The following COX6B2 variants were observed in gnomAD, a reference collection of about 807,000 sequenced individuals.
The protein encoded by COX6B2 is COX VIb-2.
Under a neutral mutation model 13.7 loss-of-function variants are expected in COX6B2, and 12 were observed. The ratio of observed to expected loss-of-function variants is 0.87; its 90% CI spans 0.56 to 1.41. The LOEUF is 1.41. COX6B2 is among the 40% of genes most tolerant of loss of function. The pLI is 0.00. For synonymous variants in COX6B2, 56 were observed against 46.6 expected (o/e 1.20, Z -0.82); for missense variants, 130 against 118.3 (o/e 1.10, Z -0.46).
At chr19:55,354,284 C>T in intron 2 of COX6B2, 126 bp downstream of exon 2, 2 of 881,810 alleles carry the variant, frequency 2.3e-6, no homozygotes, top group Non-Finnish European at 3.7e-6. Context: ...GGCCCCGCCC[C>T]CACCAACCCG....
intron 2 of COX6B2, 97 bp downstream of exon 2, chr19:55,354,313 C>T (rs1163105944): frequency 1.8e-6 from 2 of 1,136,742 alleles, no homozygotes; most frequent in Non-Finnish European, 2.7e-6. Flanking sequence ...CGGCCTCCCA[C>T]CCTAACGGTC....
At chr19:55,353,515 G>C (rs996743478) in intron 4 of COX6B2, 92 bp downstream of exon 4, 1 of 612,606 alleles carries the variant, frequency 1.6e-6, no homozygotes, top group African/African-American at 1.9e-5. Flanking sequence ...AAAAAGCAGC[G>C]TTAGCCCGGA....
chr19:55,354,066 G>A, intron 2 of COX6B2, 100 bp from the exon 3 acceptor site: 6 of 1,094,716 alleles, frequency 5.5e-6, no homozygotes, highest in Non-Finnish European at 5.3e-6. Context: ...GCTTCGTCCC[G>A]CCTCCCTCTC....
At chr19:55,353,016 C>A in intron 4 of COX6B2, 1 of 153,950 alleles carries the variant, frequency 6.5e-6, no homozygotes, top group Admixed American at 6.4e-5. Flanking sequence ...AAAGCGTGGA[C>A]ACCAGGGGAT....
intron 4 of COX6B2, among the ~76,000 whole-genome samples, chr19:55,351,286 G>A (rs2089668799): frequency 6.6e-6 from 1 of 152,220 alleles, no homozygotes; most frequent in African/African-American, 2.4e-5. Flanking sequence ...CAGCGCAGAG[G>A]GGCTAGGGAA....
At position 55,353,904 on chromosome 19, in the gene COX6B2, A is replaced by G; in HGVS notation, c.175T>C (p.Tyr59His). 1.3e-6 allele frequency: 2 copies of G among 1,571,372 alleles called. No homozygotes were observed. Among genetic ancestry groups the G allele is most frequent in the Non-Finnish European group, 8.6e-7 (1 of 1,159,718 alleles). Residue 59 changes from tyrosine (Y) to histidine (H), a missense_variant, in exon 3 of 5, where the codon TAT (tyrosine) becomes CAT (histidine). Physicochemically the swap from Tyr to His is moderately conservative, Grantham distance 83 (BLOSUM62 2). Transcript: ENST00000326529. The part of the protein sequence containing the change: ...RGKSTQPCEY[Y>H]FRVYHSLCPI... ...CACAGCGAGTGGTACACGCGGAAATAGTACTCGCAGGGCTGCGTGCTCTTC... is the reference window on the plus strand; with the variant it reads ...CACAGCGAGTGGTACACGCGGAAATGGTACTCGCAGGGCTGCGTGCTCTTC...
chr19:55,354,097 C>T, intron 2 of COX6B2, 131 bp from the exon 3 acceptor site: 1 of 810,704 alleles, frequency 1.2e-6, no homozygotes, highest in South Asian at 1.6e-5. Context: ...CTCCGTCCCG[C>T]CCCTCCCAGC....
Position 55,354,532 on chromosome 19 carries a change from G to A in COX6B2, c.-11C>T. On this transcript the variant is annotated 5_prime_UTR_variant, in exon 2 of 5. Transcript: ENST00000326529. ...TTCCACATCCAACATCCACGAAGGA[G>A]GCAACTCCTGCGAGACGGGACGGGA... 3 of 1,594,860 alleles carry A rather than the reference G, an allele frequency of 1.9e-6. No homozygotes were observed. Among genetic ancestry groups the A allele is most frequent in the Non-Finnish European group, 2.6e-6 (3 of 1,165,584 alleles).
rs142723628 is a variant in COX6B2, at chr19:55,351,361, G to A, written c.*115-561C>T. On this transcript the variant is annotated intron_variant, in intron 4 of 4. Transcript: ENST00000326529. ...ATTGAACTCATTCTCAGAACCATTCGGGCTCTGCCACCTTCAGGATGGGAA... is the reference window on the plus strand; with the variant it reads ...ATTGAACTCATTCTCAGAACCATTCAGGCTCTGCCACCTTCAGGATGGGAA... 1.2e-4 allele frequency among the ~76,000 whole-genome samples: 18 copies of A among 152,212 alleles called. No individual in the cohort carries two copies. In the East Asian group the frequency reaches 3.5e-3, roughly 29 times the overall value.
rs756591149 is a variant in COX6B2 at position 55,353,939 on chromosome 19, G to C, written c.140C>G (p.Thr47Ser). The C allele has an allele frequency of 2.6e-6, 4 of 1,558,286 alleles. No individual in the cohort carries two copies. The highest frequency in any genetic ancestry group is 1.2e-5 in the South Asian group (1 of 85,186). Reference protein sequence around the residue: ...LDYHRCLKTRTRRGKSTQPCE... With the variant: ...LDYHRCLKTRSRRGKSTQPCE... ...GGGCTGCGTGCTCTTCCCGCGGCGG[G>C]TCCTGGTCTTGAGGCAGCGGTGGTA... Residue 47 changes from threonine (T) to serine (S), a missense_variant, in exon 3 of 5, where the codon ACC becomes AGC. Transcript: ENST00000326529.
intron 2 of COX6B2, 191 bp downstream of exon 2, chr19:55,354,219 G>C (rs574294051): frequency 1.6e-6 from 1 of 635,246 alleles, no homozygotes; most frequent in Admixed American, 2.5e-5. Context: ...ATCAGGCCTC[G>C]CCCCTACCAA....
intron 4 of COX6B2, among the ~76,000 whole-genome samples, chr19:55,351,480 G>A (rs969846001): frequency 2.0e-5 from 3 of 152,168 alleles, no homozygotes; most frequent in Non-Finnish European, 2.9e-5. Context: ...TTCAGGATCC[G>A]TGGTCTGGAG....
intron 4 of COX6B2, chr19:55,351,645 C>G (rs749000599): frequency 6.6e-6 from 1 of 152,452 alleles, no homozygotes; most frequent in Non-Finnish European, 1.5e-5. Context: ...AACAAGGATG[C>G]AGGTGTTCTG....
chr19:55,354,562 G>A, intron 1 of COX6B2, 23 bp from the exon 2 acceptor site: 11 of 1,460,592 alleles, frequency 7.5e-6, no homozygotes, highest in Non-Finnish European at 9.5e-6. Context: ...ACGGGACGGG[G>A]ACTCCGTGGG....
chr19:55,353,958 G>A lies in COX6B2; in HGVS notation c.121C>T (p.Arg41Cys). Residue 41 changes from arginine to cysteine, a missense_variant, in exon 3 of 5, where the codon CGC (arginine) becomes TGC (cysteine). Transcript: ENST00000326529. ...NCYQNFLDYH[R>C]CLKTRTRRGK... The stretch of plus-strand genomic sequence containing the variant: ...CGGCGGGTCCTGGTCTTGAGGCAGC[G>A]GTGGTAGTCTGTGGCGGGCGGGGGT... The A allele has an allele frequency of 6.4e-7, 1 of 1,550,496 alleles. No individual in the cohort carries two copies. The highest frequency in any genetic ancestry group is 1.2e-5 in the South Asian group (1 of 84,668).
rs375975717 is a variant in COX6B2 at position 55,353,978 on chromosome 19, G to T, written c.113-12C>A. The T allele has an allele frequency of 2.6e-3, 3,995 of 1,537,910 alleles. 50 individuals are homozygous for T. Among genetic ancestry groups the T allele is most frequent in the South Asian group, 0.018 (1,513 of 83,990 alleles). ...GCAGCGGTGGTAGTCTGTGGCGGGCGGGGGTCACGCGGCAAGCCACGCCCA... is the reference window on the plus strand; with the variant it reads ...GCAGCGGTGGTAGTCTGTGGCGGGCTGGGGTCACGCGGCAAGCCACGCCCA... On this transcript the variant is annotated splice_polypyrimidine_tract_variant and intron_variant, in intron 2 of 4. Coordinates refer to ENST00000326529, the MANE Select transcript of COX6B2 (RefSeq NM_144613.5).
chr19:55,353,710 C>T lies in COX6B2; in HGVS notation c.*11G>A, dbSNP rs1374257675. Reference sequence around the variant, plus strand: ...ATCACTGCATCTTCAGAGGAAGCCGCGCTGGGGCAGTCAGATTTTGCCGGC... The same window carrying T: ...ATCACTGCATCTTCAGAGGAAGCCGTGCTGGGGCAGTCAGATTTTGCCGGC... On this transcript the variant is annotated 3_prime_UTR_variant, in exon 4 of 5. Transcript: ENST00000326529. The T allele has an allele frequency of 1.2e-6, 2 of 1,608,260 alleles. No homozygotes were observed. Among genetic ancestry groups the T allele is most frequent in the Non-Finnish European group, 1.7e-6 (2 of 1,177,126 alleles).
rs1256139852 is a variant in COX6B2 at position 55,349,965 on chromosome 19, T to TA, written c.*949dup. 1 of 151,842 alleles carries TA rather than the reference T, an allele frequency of 6.6e-6. No homozygotes were observed. The highest frequency in any genetic ancestry group is 1.5e-5 in the Non-Finnish European group (1 of 67,970). The allele number at this position is 151,842 out of a possible 1,614,324, so 9.4% of individuals were successfully genotyped here. The stretch of plus-strand genomic sequence containing the variant: ...CAACACGGAGAAACCCCGTCTCTAC[T>TA]AAAAATACAAAATAAGCTGGGCGTG... On this transcript the variant is annotated 3_prime_UTR_variant, in exon 5 of 5. Transcript: ENST00000326529.
Position 55,354,706 on chromosome 19 carries a change from G to C in COX6B2, c.-75C>G. ...GTGGGATGGTCCCGGGGTGCCGCTC[G>C]CTTCTGAGTCCGCGGGGTGCGGTCC... On this transcript the variant is annotated 5_prime_UTR_variant, in exon 1 of 5. Coordinates refer to ENST00000326529, the MANE Select transcript of COX6B2 (RefSeq NM_144613.5). 1.8e-6 allele frequency: 1 copy of C among 563,990 alleles called. No individual in the cohort carries two copies. Among genetic ancestry groups the C allele is most frequent in the Non-Finnish European group, 3.1e-6 (1 of 317,934 alleles). 34.9% of individuals were successfully genotyped at this position (563,990 alleles called of 1,614,324 possible). A position where few individuals can be genotyped will look rare whatever the true frequency, so the allele number is the denominator to read the frequency against.
Sources: allele counts gnomAD v4.1 joint callset (sites outside exome capture counted in the v4.1 genomes callset), GRCh38; gene constraint gnomAD v4.1.1; transcripts MANE v1.5; gene names NCBI Gene and HGNC (gene_info 2026-07-23, HGNC 2026-07-21).